The following CPQ variants were observed in gnomAD, a reference collection of about 807,000 sequenced individuals.
CPQ encodes carboxypeptidase Q.
Under a neutral mutation model 45.7 loss-of-function variants are expected in CPQ, and 37 were observed. The ratio of observed to expected loss-of-function variants is 0.81; its 90% CI spans 0.62 to 1.07. The LOEUF is 1.07. Ranked by LOEUF, CPQ falls within the 50% of genes least tolerant of loss-of-function variation. CPQ has a pLI of 0.00. For synonymous variants in CPQ, 186 were observed against 205.8 expected (o/e 0.90, Z 0.82); for missense variants, 537 against 572.9 (o/e 0.94, Z 0.64).
At chr8:96,732,730 A>G (rs1009487020) in intron 1 of CPQ, among the ~76,000 whole-genome samples, 4 of 152,148 alleles carry the variant, frequency 2.6e-5, no homozygotes, top group African/African-American at 9.7e-5. Context: ...GATACTGTCT[A>G]TACTGCTGCC....
At chr8:97,001,885 C>G (rs1586488631) in intron 5 of CPQ, among the ~76,000 whole-genome samples, 1 of 151,810 alleles carries the variant, frequency 6.6e-6, no homozygotes, top group South Asian at 2.1e-4. Context: ...AGCTGTGAAT[C>G]CATCTGGCCT....
intron 7 of CPQ, among the ~76,000 whole-genome samples, chr8:97,127,451 G>T (rs1322274678): frequency 6.6e-6 from 1 of 152,130 alleles, no homozygotes; most frequent in Admixed American, 6.5e-5. Context: ...ACTTTGGGAG[G>T]CCAAGGCCAG....
chr8:97,067,289 T>C (rs755570929), intron 7 of CPQ, among the ~76,000 whole-genome samples: 2 of 152,090 alleles, frequency 1.3e-5, no homozygotes, highest in Non-Finnish European at 2.9e-5. Flanking sequence ...AGCCTGGCCA[T>C]TGAAAAAGTT....
chr8:97,063,381 T>C (rs1448168872), intron 6 of CPQ, among the ~76,000 whole-genome samples: 1 of 152,190 alleles, frequency 6.6e-6, no homozygotes, highest in African/African-American at 2.4e-5. Flanking sequence ...TATTAGACCT[T>C]TGTCAGATGC....
chr8:96,971,270 T>C (rs1166377213), intron 5 of CPQ, among the ~76,000 whole-genome samples: 1 of 152,224 alleles, frequency 6.6e-6, no homozygotes, highest in Non-Finnish European at 1.5e-5. Context: ...GATTCCTTAA[T>C]TGGCATGATA....
intron 5 of CPQ, among the ~76,000 whole-genome samples, chr8:96,986,448 GA>G (rs1808982051): frequency 6.6e-6 from 1 of 152,080 alleles, no homozygotes; most frequent in African/African-American, 2.4e-5. Flanking sequence ...TAGTGCCTTA[GA>G]AAATTTTATA....
At chr8:96,980,699 C>T (rs1173622060) in intron 5 of CPQ, among the ~76,000 whole-genome samples, 2 of 152,090 alleles carry the variant, frequency 1.3e-5, no homozygotes, top group South Asian at 2.1e-4. Flanking sequence ...TCAGGGGAAT[C>T]CTCACAGTGA....
intron 7 of CPQ, among the ~76,000 whole-genome samples, chr8:97,090,996 A>C (rs1343456061): frequency 6.6e-6 from 1 of 152,184 alleles, no homozygotes; most frequent in Admixed American, 6.5e-5. Context: ...TGGGTTTATC[A>C]TTCATTGCAG....
chr8:96,859,364 C>T (rs941703801), intron 3 of CPQ, among the ~76,000 whole-genome samples: 1 of 152,152 alleles, frequency 6.6e-6, no homozygotes, highest in Non-Finnish European at 1.5e-5. Context: ...AATAACTTGA[C>T]AGGGAGACCA....
At chr8:96,972,309 TG>T (rs902992785) in intron 5 of CPQ, among the ~76,000 whole-genome samples, 15 of 152,108 alleles carry the variant, frequency 9.9e-5, no homozygotes, top group African/African-American at 2.9e-4. Flanking sequence ...ATAACTCCAT[TG>T]GACTGGGATC....
intron 5 of CPQ, among the ~76,000 whole-genome samples, chr8:96,974,283 T>C (rs1813737245): frequency 6.6e-6 from 1 of 152,146 alleles, no homozygotes; most frequent in Admixed American, 6.5e-5. Context: ...AGAGAGACAT[T>C]ATATAATGAT....
chr8:96,677,972 CACTT>C (rs1240086735), intron 1 of CPQ, among the ~76,000 whole-genome samples: 3 of 151,730 alleles, frequency 2.0e-5, no homozygotes, highest in South Asian at 2.1e-4. Flanking sequence ...TGCGGATCAG[CACTT>C]ACTTAATATA....
chr8:96,926,969 A>G (rs1272217195), intron 4 of CPQ, among the ~76,000 whole-genome samples: 1 of 152,208 alleles, frequency 6.6e-6, no homozygotes, highest in Non-Finnish European at 1.5e-5. Context: ...CATTTCTGAC[A>G]TAAAAGAATA....
chr8:96,684,963 G>T (rs917821720), intron 1 of CPQ, among the ~76,000 whole-genome samples: 2 of 151,924 alleles, frequency 1.3e-5, no homozygotes, highest in African/African-American at 4.8e-5. Flanking sequence ...AATTAGCCAG[G>T]CATGGTGGCG....
Position 96,944,042 on chromosome 8 carries a change from AG to A in CPQ, c.850-21892del, listed in dbSNP as rs147806879. ...TTTTCCTGATTCAAGTACTTTATAAAGCATATTTAAAGGCTGGCTTCAATCT... is the reference window on the plus strand; with the variant it reads ...TTTTCCTGATTCAAGTACTTTATAAACATATTTAAAGGCTGGCTTCAATCT... On this transcript the variant is annotated intron_variant, in intron 4 of 7. Transcript: ENST00000220763. Among the ~76,000 whole-genome samples the A allele has an allele frequency of 7.9e-3, 1,210 of 152,276 alleles. 15 individuals carry two copies. Among genetic ancestry groups the A allele is most frequent in the African/African-American group, 0.028 (1,143 of 41,560 alleles).
At chr8:96,657,388 G>A (rs1374953790) in intron 1 of CPQ, among the ~76,000 whole-genome samples, 3 of 152,176 alleles carry the variant, frequency 2.0e-5, no homozygotes, top group Non-Finnish European at 4.4e-5. Context: ...TGATCTGGGG[G>A]AGCAGGAGGG....
intron 7 of CPQ, among the ~76,000 whole-genome samples, chr8:97,089,200 G>A (rs1183808246): frequency 1.8e-4 from 26 of 141,876 alleles, no homozygotes; most frequent in African/African-American, 7.0e-4. Flanking sequence ...CCGAGATCGT[G>A]CCATTACACT....
At chr8:96,890,941 T>C (rs1392523377) in intron 4 of CPQ, among the ~76,000 whole-genome samples, 1 of 152,208 alleles carries the variant, frequency 6.6e-6, no homozygotes, top group South Asian at 2.1e-4. Context: ...TGGATGCTGA[T>C]TCAGATCATA....
intron 4 of CPQ, among the ~76,000 whole-genome samples, chr8:96,891,651 T>C (rs940614830): frequency 6.6e-6 from 1 of 152,222 alleles, no homozygotes; most frequent in African/African-American, 2.4e-5. Flanking sequence ...TCACATTGGA[T>C]ACAAATATTT....
Sources: gnomAD v4.1 joint callset for allele counts (sites outside exome capture counted in the v4.1 genomes callset) on GRCh38, gnomAD v4.1.1 for gene constraint, MANE v1.5 for transcripts, NCBI Gene and HGNC (gene_info 2026-07-23, HGNC 2026-07-21) for gene names.